The following FER variants were observed in gnomAD, a reference collection of about 807,000 sequenced individuals.
FER encodes FER tyrosine kinase.
In FER, 63 loss-of-function variants were observed where a neutral mutation model predicts 111.0. The observed-to-expected ratio is 0.57, with a 90% CI of 0.46 to 0.70. The LOEUF (loss-of-function observed/expected upper bound fraction) is 0.70, where lower values mean the gene tolerates loss of function less well. Ranked by LOEUF, FER falls within the 30% of genes least tolerant of loss-of-function variation. The pLI is 0.00. For missense variants in FER, 914 were observed against 954.0 expected (o/e 0.96, Z 0.55); for synonymous variants, 327 against 313.9 (o/e 1.04, Z -0.44).
intron 17 of FER, among the ~76,000 whole-genome samples, chr5:109,178,978 T>C (rs950102772): frequency 3.9e-5 from 6 of 152,202 alleles, no homozygotes; most frequent in Non-Finnish European, 8.8e-5. Context: ...AAAGGACTTG[T>C]CTTTTGTTAG....
chr5:108,833,557 G>A (rs910887267), intron 4 of FER, among the ~76,000 whole-genome samples: 19 of 150,908 alleles, frequency 1.3e-4, no homozygotes, highest in Middle Eastern at 3.4e-3. Context: ...AGAATGTATA[G>A]CTAAAATAAG....
At position 108,770,969 on chromosome 5, in the gene FER, C is replaced by T. The variant is rs377657884; in HGVS notation, c.-60+2731C>T. On this transcript the variant is annotated intron_variant, in intron 2 of 19. Coordinates refer to ENST00000281092, the MANE Select transcript of FER (RefSeq NM_005246.4). ...TTTTTTTTTTTGAGATGGAGTCTCA[C>T]TCTGTCACCCAGGCTGGAGTGCAGT... Among the ~76,000 whole-genome samples, 137 of 151,766 alleles carry T rather than the reference C, an allele frequency of 9.0e-4. 1 individual carries two copies. In the East Asian group the frequency reaches 0.021, roughly 23 times the overall value.
chr5:109,193,980 G>T lies in FER; in HGVS notation c.*6405G>T, dbSNP rs1367335364. The T allele has an allele frequency of 6.6e-6, 1 of 152,184 alleles. No homozygotes were observed. Among genetic ancestry groups the T allele is most frequent in the Non-Finnish European group, 1.5e-5 (1 of 68,042 alleles). The allele number at this position is 152,184 out of a possible 1,614,324, so 9.4% of individuals were successfully genotyped here. A position where few individuals can be genotyped will look rare whatever the true frequency, so the allele number is the denominator to read the frequency against. ...CAGGATGATCAGGTCACACTTGTTA[G>T]ATGACTAACACTATCAGTAGAAGCT... On this transcript the variant is annotated 3_prime_UTR_variant, in exon 20 of 20. Coordinates refer to ENST00000281092, the MANE Select transcript of FER (RefSeq NM_005246.4).
chr5:109,039,373 C>A (rs1351732318), intron 14 of FER, among the ~76,000 whole-genome samples: 1 of 152,104 alleles, frequency 6.6e-6, no homozygotes, highest in East Asian at 1.9e-4. Flanking sequence ...GCATGTTTTA[C>A]AGTTTCAATG....
At chr5:108,851,442 G>A (rs1762538414) in intron 5 of FER, among the ~76,000 whole-genome samples, 1 of 152,062 alleles carries the variant, frequency 6.6e-6, no homozygotes, top group Non-Finnish European at 1.5e-5. Context: ...ACAACATGTG[G>A]GAATTCAACA....
At chr5:108,915,027 A>G (rs975049075) in intron 10 of FER, among the ~76,000 whole-genome samples, 4 of 152,180 alleles carry the variant, frequency 2.6e-5, no homozygotes, top group Non-Finnish European at 5.9e-5. Flanking sequence ...AAAGTAGGAT[A>G]TGGATTATGA....
At chr5:109,167,175 T>G (rs1395466646) in intron 17 of FER, among the ~76,000 whole-genome samples, 1 of 152,160 alleles carries the variant, frequency 6.6e-6, no homozygotes, top group Non-Finnish European at 1.5e-5. Flanking sequence ...ATGAGTAAGA[T>G]CTCAATAAAT....
intron 17 of FER, among the ~76,000 whole-genome samples, chr5:109,150,777 T>C (rs1179806072): frequency 2.0e-5 from 3 of 152,240 alleles, no homozygotes. Flanking sequence ...ATTTCATGTG[T>C]CTTTGCTATA....
chr5:108,925,743 G>C (rs1247051814), intron 10 of FER, among the ~76,000 whole-genome samples: 1 of 152,018 alleles, frequency 6.6e-6, no homozygotes, highest in Non-Finnish European at 1.5e-5. Flanking sequence ...TCCAGTGTTT[G>C]GGTTATGGTG....
intron 13 of FER, among the ~76,000 whole-genome samples, chr5:108,982,309 G>T (rs1420150337): frequency 6.6e-6 from 1 of 152,098 alleles, no homozygotes; most frequent in African/African-American, 2.4e-5. Flanking sequence ...TTGTAATTTA[G>T]ATGGAGAATA....
chr5:109,110,961 T>C (rs1351302362), intron 17 of FER, among the ~76,000 whole-genome samples: 3 of 152,182 alleles, frequency 2.0e-5, no homozygotes, highest in African/African-American at 7.2e-5. Context: ...CCTCCTGGCA[T>C]TGTTTTATCA....
intron 10 of FER, among the ~76,000 whole-genome samples, chr5:108,926,070 CT>C (rs147982823): frequency 0.26 from 39,354 of 150,228 alleles, 5,213 homozygotes; most frequent in African/African-American, 0.3. Flanking sequence ...TAATATTTTT[CT>C]TTTTTTTTAT....
chr5:109,058,520 T>C (rs1773928414), intron 16 of FER, among the ~76,000 whole-genome samples: 2 of 152,008 alleles, frequency 1.3e-5, no homozygotes, highest in Admixed American at 6.6e-5. Flanking sequence ...TAATTGATTT[T>C]TTTTTAAACT....
chr5:108,826,499 C>T (rs1229081431), intron 3 of FER, among the ~76,000 whole-genome samples: 3 of 152,144 alleles, frequency 2.0e-5, no homozygotes, highest in African/African-American at 4.8e-5. Flanking sequence ...ACGGTCCTCT[C>T]GCCTCAACCT....
intron 3 of FER, among the ~76,000 whole-genome samples, chr5:108,811,924 T>A (rs1019217200): frequency 3.6e-4 from 54 of 151,458 alleles, no homozygotes; most frequent in Admixed American, 9.2e-4. Context: ...CATCGAATCT[T>A]CTGGTGGATC....
At chr5:108,806,160 A>G (rs1383800656) in intron 3 of FER, among the ~76,000 whole-genome samples, 1 of 152,204 alleles carries the variant, frequency 6.6e-6, no homozygotes, top group African/African-American at 2.4e-5. Flanking sequence ...AGCTTGGGCC[A>G]TGGCTTCAGA....
chr5:109,053,642 T>TTG (rs750241781), intron 16 of FER, among the ~76,000 whole-genome samples: 4 of 152,018 alleles, frequency 2.6e-5, no homozygotes, highest in Non-Finnish European at 5.9e-5. Flanking sequence ...TTAATCCATA[T>TTG]TGTAATGTGT....
At chr5:108,834,125 G>T (rs28718068) in intron 4 of FER, among the ~76,000 whole-genome samples, 13,501 of 152,002 alleles carry the variant, frequency 0.089, 730 homozygotes, top group African/African-American at 0.16. Context: ...TAGGTAATTT[G>T]CTCTATATAA....
chr5:108,828,439 T>C (rs1202667685), intron 3 of FER, among the ~76,000 whole-genome samples: 2 of 152,204 alleles, frequency 1.3e-5, no homozygotes, highest in African/African-American at 4.8e-5. Context: ...CAGTCTCTCA[T>C]TCTTCATTTT....
Sources: allele counts gnomAD v4.1 joint callset (sites outside exome capture counted in the v4.1 genomes callset), GRCh38; gene constraint gnomAD v4.1.1; transcripts MANE v1.5; gene names NCBI Gene and HGNC (gene_info 2026-07-23, HGNC 2026-07-21).